RNF130: variants seen among roughly 807,000 people sequenced by gnomAD.
RNF130 encodes ring finger protein 130.
A neutral mutation model predicts 44.6 loss-of-function variants in RNF130; 21 were observed. The observed-to-expected ratio is 0.47, with a 90% CI of 0.33 to 0.68. The LOEUF is 0.68. Ranked by LOEUF, RNF130 falls within the 30% of genes least tolerant of loss-of-function variation. The pLI is 0.02. For synonymous variants in RNF130, 214 were observed against 210.4 expected (o/e 1.02, Z -0.15); for missense variants, 479 against 560.6 (o/e 0.85, Z 1.47).
chr5:179,968,823 T>C lies in RNF130; in HGVS notation c.945+1587A>G, dbSNP rs201767062. Reference sequence around the variant, plus strand: ...ACATTTCTGACTGTCGTGGCTGTGGTGCCATGCTACTAGCATTTAGATGCT... The same window carrying C: ...ACATTTCTGACTGTCGTGGCTGTGGCGCCATGCTACTAGCATTTAGATGCT... On this transcript the variant is annotated intron_variant, in intron 6 of 8. Transcript: ENST00000521389. Among the ~76,000 whole-genome samples the C allele has an allele frequency of 3.1e-3, 468 of 152,262 alleles. 2 individuals carry two copies. The highest frequency in any genetic ancestry group is 0.011 in the African/African-American group (452 of 41,540).
intron 3 of RNF130, among the ~76,000 whole-genome samples, chr5:179,994,001 G>T (rs531426922): frequency 6.6e-6 from 1 of 152,238 alleles, no homozygotes; most frequent in Non-Finnish European, 1.5e-5. Flanking sequence ...CCCATTTCTT[G>T]TTTTTGTCAG....
chr5:179,994,905 C>T (rs1047353465), intron 3 of RNF130, among the ~76,000 whole-genome samples: 14 of 152,202 alleles, frequency 9.2e-5, no homozygotes, highest in African/African-American at 3.4e-4. Flanking sequence ...AAGTGTCCCA[C>T]GCAATGGGTT....
chr5:179,958,036 C>T lies in RNF130; in HGVS notation c.1245-2367G>A, dbSNP rs557897664. Among the ~76,000 whole-genome samples the T allele has an allele frequency of 5.9e-5, 9 of 152,042 alleles. No homozygotes were observed. The East Asian group carries it at 9.7e-4, about 16-fold the overall frequency. On this transcript the variant is annotated intron_variant, in intron 8 of 8. Coordinates refer to ENST00000521389, the MANE Select transcript of RNF130 (RefSeq NM_018434.6). ...GGGACTACAGGCGCCCGCCACTACG[C>T]CCGGCTAATTTTTTGTATTTTTAGT...
chr5:179,969,072 T>A (rs557981368), intron 6 of RNF130, among the ~76,000 whole-genome samples: 1 of 152,380 alleles, frequency 6.6e-6, no homozygotes, highest in African/African-American at 2.4e-5. Context: ...CAAGCTAAAA[T>A]GAGTTCATCT....
chr5:180,007,074 A>G (rs1451918298), intron 3 of RNF130, among the ~76,000 whole-genome samples: 1 of 152,192 alleles, frequency 6.6e-6, no homozygotes, highest in Non-Finnish European at 1.5e-5. Flanking sequence ...TCTCTTTGGT[A>G]GCATGTTCTA....
chr5:180,055,453 CGTGTGT>C (rs1307591362), intron 1 of RNF130, among the ~76,000 whole-genome samples: 1 of 91,862 alleles, frequency 1.1e-5, no homozygotes, highest in East Asian at 2.8e-4. Context: ...TGTGTGTGTG[CGTGTGT>C]GTGTGTGTGT....
At chr5:180,048,992 T>A (rs1029825906) in intron 1 of RNF130, among the ~76,000 whole-genome samples, 1 of 152,218 alleles carries the variant, frequency 6.6e-6, no homozygotes, top group East Asian at 1.9e-4. Context: ...TGTGGCTGCA[T>A]GGAAGTGATC....
chr5:180,004,043 A>AT (rs1432753628), intron 3 of RNF130, among the ~76,000 whole-genome samples: 2 of 152,338 alleles, frequency 1.3e-5, no homozygotes, highest in Non-Finnish European at 2.9e-5. Flanking sequence ...AGAAGAGGAG[A>AT]TTGAGGCAGA....
chr5:179,959,551 C>T (rs754933390), intron 8 of RNF130, among the ~76,000 whole-genome samples: 30 of 151,544 alleles, frequency 2.0e-4, no homozygotes, highest in South Asian at 8.3e-4. Flanking sequence ...TTCTTGAACC[C>T]GGGAGGTGGA....
At chr5:179,939,844 T>C (rs1053230401) in intron 7 of RNF130, 5 of 373,194 alleles carry the variant, frequency 1.3e-5, no homozygotes, top group South Asian at 4.8e-5. Context: ...CCACCAAAAA[T>C]TCCCTGAAGA....
At chr5:179,939,772 T>C (rs1390306536) in intron 7 of RNF130, 1 of 422,740 alleles carries the variant, frequency 2.4e-6, no homozygotes, top group Non-Finnish European at 4.6e-6. Context: ...TGGCGACTCC[T>C]TTGATTCCCA....
Position 180,013,151 on chromosome 5 carries a change from G to A in RNF130, c.603C>T (p.Ser201=), listed in dbSNP as rs770318194. Residue 201 remains serine (S), a synonymous_variant, in exon 3 of 9, where the codon TCC becomes TCT. Coordinates refer to ENST00000521389, the MANE Select transcript of RNF130 (RefSeq NM_018434.6). The part of the protein sequence containing the change: ...SRGSLVFVSI[S]FIVLMIISSA... ...AAGAAATAATCATCAAAACAATAAA[G>A]GATATTGACACGAAGACTAGAGAGC... 14 of 1,613,934 alleles carry A rather than the reference G, an allele frequency of 8.7e-6. No homozygotes were observed. Among genetic ancestry groups the A allele is most frequent in the Non-Finnish European group, 1.1e-5 (13 of 1,179,986 alleles).
chr5:179,977,489 C>A lies in RNF130; in HGVS notation c.848+714G>T, dbSNP rs1430620578. 6.6e-6 allele frequency: 1 copy of A among 152,298 alleles called. No homozygotes were observed. The highest frequency in any genetic ancestry group is 6.5e-5 in the Admixed American group (1 of 15,282). The allele number at this position is 152,298 out of a possible 1,614,324, so 9.4% of individuals were successfully genotyped here. ...CTGTAATCCCAACACTTTGAGAGGA[C>A]AAGGCAGGAGGACTGCTTGAGCCCA... On this transcript the variant is annotated intron_variant, in intron 5 of 8. Transcript: ENST00000521389. This position sits in a 1 kb window ranked among gnomAD's most constrained non-coding sequence, Gnocchi z 4.1.
At chr5:179,969,899 G>A (rs921663135) in intron 6 of RNF130, among the ~76,000 whole-genome samples, 1 of 152,150 alleles carries the variant, frequency 6.6e-6, no homozygotes, top group African/African-American at 2.4e-5. Flanking sequence ...GCTGAGGCAG[G>A]AGAATCGCTT....
At chr5:180,015,901 C>A (rs2113092949) in intron 2 of RNF130, among the ~76,000 whole-genome samples, 1 of 152,260 alleles carries the variant, frequency 6.6e-6, no homozygotes, top group Admixed American at 6.5e-5. Context: ...TTATTTCAAC[C>A]ATCCATTCAA....
intron 3 of RNF130, among the ~76,000 whole-genome samples, chr5:180,003,604 C>T (rs941160404): frequency 3.9e-5 from 6 of 152,170 alleles, no homozygotes; most frequent in East Asian, 1.9e-4. Flanking sequence ...CATCACTTTG[C>T]GACAGGTAAA....
intron 3 of RNF130, among the ~76,000 whole-genome samples, chr5:180,010,105 G>C (rs1254972128): frequency 6.6e-6 from 1 of 151,908 alleles, no homozygotes; most frequent in Non-Finnish European, 1.5e-5. Flanking sequence ...AAATTAGCCA[G>C]GCACGGTGGC....
intron 6 of RNF130, among the ~76,000 whole-genome samples, chr5:179,969,978 CAA>C (rs905916493): frequency 6.6e-6 from 1 of 151,820 alleles, no homozygotes; most frequent in African/African-American, 2.4e-5. Context: ...GCAACAAGAG[CAA>C]AACTCCCTCT....
At chr5:179,943,179 C>T (rs1322220459) in intron 7 of RNF130, among the ~76,000 whole-genome samples, 2 of 152,078 alleles carry the variant, frequency 1.3e-5, no homozygotes, top group Non-Finnish European at 2.9e-5. Flanking sequence ...TGGGACAGAG[C>T]GAGACACTGT....
Sources: allele counts gnomAD v4.1 joint callset (sites outside exome capture counted in the v4.1 genomes callset), GRCh38; gene constraint gnomAD v4.1.1; non-coding constraint Gnocchi (gnomAD v3.1); transcripts MANE v1.5; gene names NCBI Gene and HGNC (gene_info 2026-07-23, HGNC 2026-07-21).